The following PARD3 variants were observed in gnomAD, a reference collection of about 807,000 sequenced individuals.
PARD3 encodes partitioning defective 3 homolog.
Under a neutral mutation model 155.4 loss-of-function variants are expected in PARD3, and 75 were observed. The ratio of observed to expected loss-of-function variants is 0.48; its 90% CI spans 0.40 to 0.58. PARD3 has a LOEUF of 0.58. Ranked by LOEUF, PARD3 falls within the 20% of genes least tolerant of loss-of-function variation. PARD3 has a pLI of 0.00. For synonymous variants in PARD3, 576 were observed against 610.5 expected (o/e 0.94, Z 0.83); for missense variants, 1,642 against 1,721.7 (o/e 0.95, Z 0.82).
chr10:34,302,498 G>T (rs1957202064), intron 20 of PARD3, among the ~76,000 whole-genome samples: 1 of 152,144 alleles, frequency 6.6e-6, no homozygotes, highest in African/African-American at 2.4e-5. Context: ...GCATACAGCT[G>T]GGATTTGAAC....
intron 4 of PARD3, among the ~76,000 whole-genome samples, chr10:34,458,317 C>T (rs2077441541): frequency 6.6e-6 from 1 of 152,148 alleles, no homozygotes; most frequent in South Asian, 2.1e-4. Flanking sequence ...ATCCTCCCAC[C>T]TCAGCCTTCC....
chr10:34,184,407 T>G (rs1660630), intron 22 of PARD3, among the ~76,000 whole-genome samples: 88,156 of 151,968 alleles, frequency 0.58, 26,739 homozygotes, highest in African/African-American at 0.77. Context: ...AAGAATCACT[T>G]GCCCTCCTTC....
intron 1 of PARD3, among the ~76,000 whole-genome samples, chr10:34,766,338 G>GT (rs1170010143): frequency 6.6e-6 from 1 of 152,156 alleles, no homozygotes; most frequent in African/African-American, 2.4e-5. Context: ...CAAGGTACAA[G>GT]AGCAGATTTA....
At chr10:34,695,842 G>A (rs561920322) in intron 2 of PARD3, among the ~76,000 whole-genome samples, 14 of 151,774 alleles carry the variant, frequency 9.2e-5, no homozygotes, top group Admixed American at 9.2e-4. Context: ...CCTGCACAGG[G>A]TAGGCTGCCT....
intron 20 of PARD3, among the ~76,000 whole-genome samples, chr10:34,294,692 A>T (rs576280118): frequency 6.6e-6 from 1 of 152,296 alleles, no homozygotes; most frequent in East Asian, 1.9e-4. Context: ...AAGGCCCAAT[A>T]AAGGGCTCTG....
intron 2 of PARD3, among the ~76,000 whole-genome samples, chr10:34,609,969 G>A (rs1173443537): frequency 6.6e-6 from 1 of 152,214 alleles, no homozygotes; most frequent in African/African-American, 2.4e-5. Flanking sequence ...TTTATTAAGA[G>A]TAGTGAAATT....
chr10:34,320,769 G>A (rs947563360), intron 19 of PARD3, among the ~76,000 whole-genome samples: 1 of 152,146 alleles, frequency 6.6e-6, no homozygotes, highest in South Asian at 2.1e-4. Flanking sequence ...TCTGTTTCCT[G>A]CCCCAAGCCA....
At chr10:34,215,910 T>C (rs1951981199) in intron 22 of PARD3, among the ~76,000 whole-genome samples, 1 of 152,262 alleles carries the variant, frequency 6.6e-6, no homozygotes, top group Non-Finnish European at 1.5e-5. Context: ...GTGACATTTG[T>C]GGTTTGCATT....
intron 7 of PARD3, among the ~76,000 whole-genome samples, 161 bp from the exon 8 acceptor site, chr10:34,384,415 C>T (rs928035373): frequency 2.6e-5 from 4 of 152,102 alleles, no homozygotes; most frequent in East Asian, 1.9e-4. Flanking sequence ...AAAACCACAA[C>T]GTTAAAATGA....
At chr10:34,458,443 T>A (rs2077448448) in intron 4 of PARD3, among the ~76,000 whole-genome samples, 1 of 152,120 alleles carries the variant, frequency 6.6e-6, no homozygotes, top group Admixed American at 6.5e-5. Flanking sequence ...CCTCGAGAAA[T>A]CCTCCCATCT....
chr10:34,587,932 T>C (rs778532850), intron 2 of PARD3, among the ~76,000 whole-genome samples: 14 of 152,160 alleles, frequency 9.2e-5, no homozygotes, highest in Non-Finnish European at 1.3e-4. Flanking sequence ...ACAATAGGTG[T>C]CTTGCTCTGC....
rs543778263 is a variant in PARD3 at position 34,699,958 on chromosome 10, G to T, written c.121-3539C>A. Among the ~76,000 whole-genome samples the T allele has an allele frequency of 1.8e-4, 27 of 152,062 alleles. 1 individual carries two copies. Among genetic ancestry groups the T allele is most frequent in the African/African-American group, 5.8e-4 (24 of 41,488 alleles). On this transcript the variant is annotated intron_variant, in intron 1 of 24. Coordinates refer to ENST00000374788, the MANE Select transcript of PARD3 (RefSeq NM_001184785.2). ...TCTACAATAATTGTATCAGTCATTG[G>T]GTGAATAAACAAACATGACAGAACA...
At chr10:34,496,313 G>A (rs1264600390) in intron 3 of PARD3, among the ~76,000 whole-genome samples, 1 of 152,044 alleles carries the variant, frequency 6.6e-6, no homozygotes, top group African/African-American at 2.4e-5. Context: ...ATACCTCAGA[G>A]TAACTGGCAA....
chr10:34,327,609 A>G (rs935991011), intron 19 of PARD3, among the ~76,000 whole-genome samples: 1 of 152,244 alleles, frequency 6.6e-6, no homozygotes, highest in Non-Finnish European at 1.5e-5. Flanking sequence ...CAGAGCCTGC[A>G]GCACGGTGCA....
At chr10:34,263,804 G>A (rs1313116152) in intron 22 of PARD3, among the ~76,000 whole-genome samples, 1 of 152,192 alleles carries the variant, frequency 6.6e-6, no homozygotes, top group Non-Finnish European at 1.5e-5. Context: ...AAAGAATTAA[G>A]AAGACTAGCT....
intron 22 of PARD3, among the ~76,000 whole-genome samples, chr10:34,246,822 G>A (rs991344304): frequency 1.3e-5 from 2 of 152,130 alleles, no homozygotes; most frequent in African/African-American, 2.4e-5. Context: ...TTAGGCCTTA[G>A]AATGAAAGTT....
chr10:34,699,363 T>C (rs180909659), intron 1 of PARD3, among the ~76,000 whole-genome samples: 3 of 152,190 alleles, frequency 2.0e-5, no homozygotes, highest in East Asian at 1.9e-4. Flanking sequence ...AAAATAAACA[T>C]ATAAAAATGA....
chr10:34,733,675 G>A (rs1161250130), intron 1 of PARD3, among the ~76,000 whole-genome samples: 1 of 152,072 alleles, frequency 6.6e-6, no homozygotes, highest in South Asian at 2.1e-4. Context: ...GTAGAGACGG[G>A]GTTTGAGATC....
At chr10:34,257,677 T>A (rs891943235) in intron 22 of PARD3, among the ~76,000 whole-genome samples, 1 of 152,368 alleles carries the variant, frequency 6.6e-6, no homozygotes, top group South Asian at 2.1e-4. Context: ...ATCCCCACAT[T>A]TCTGCAGAAT....
Sources: allele counts gnomAD v4.1 joint callset (sites outside exome capture counted in the v4.1 genomes callset), GRCh38; gene constraint gnomAD v4.1.1; transcripts MANE v1.5; gene names NCBI Gene and HGNC (gene_info 2026-07-23, HGNC 2026-07-21).